OR6J1: variants seen among roughly 807,000 people sequenced by gnomAD.
OR6J1 encodes the protein olfactory receptor 6J1.
For synonymous variants in OR6J1, 109 were observed against 70.0 expected (o/e 1.56, Z -2.78); for missense variants, 304 against 166.8 (o/e 1.82, Z -4.53).
chr14:22,637,646 C>T (rs1285506008), intron 1 of OR6J1, among the ~76,000 whole-genome samples: 1 of 77,320 alleles, frequency 1.3e-5, no homozygotes, highest in East Asian at 3.4e-4. Flanking sequence ...GGGGGTCAGC[C>T]CCCCGCCCGG....
chr14:22,639,581 T>C (rs1594903269), intron 1 of OR6J1, among the ~76,000 whole-genome samples: 1 of 127,942 alleles, frequency 7.8e-6, no homozygotes, highest in East Asian at 2.0e-4. Context: ...AATCGGATGG[T>C]TGCCGTGTCT....
intron 1 of OR6J1, among the ~76,000 whole-genome samples, chr14:22,636,765 A>G (rs2037590037): frequency 8.5e-6 from 1 of 117,056 alleles, no homozygotes; most frequent in Admixed American, 7.7e-5. Context: ...GGCTCGCTAC[A>G]GCCTCCACCT....
At chr14:22,643,754 C>CAG (rs1594904768) in intron 1 of OR6J1, among the ~76,000 whole-genome samples, 81 of 93,130 alleles carry the variant, frequency 8.7e-4, no homozygotes, top group Middle Eastern at 4.5e-3. Flanking sequence ...CACACACACA[C>CAG]ACACACACAC....
At chr14:22,643,231 G>C (rs2037664518) in intron 1 of OR6J1, among the ~76,000 whole-genome samples, 1 of 151,568 alleles carries the variant, frequency 6.6e-6, no homozygotes, top group Non-Finnish European at 1.5e-5. Flanking sequence ...GCCTCCCAAA[G>C]TGCTGGGATT....
intron 1 of OR6J1, among the ~76,000 whole-genome samples, chr14:22,640,362 G>A (rs1252091355): frequency 1.4e-5 from 2 of 147,286 alleles, no homozygotes; most frequent in East Asian, 3.9e-4. Context: ...GAGGAAGGAA[G>A]GGGGAAAAAA....
chr14:22,634,233 G>A lies in OR6J1; in HGVS notation c.579C>T (p.Ala193=), dbSNP rs759084305. The A allele has an allele frequency of 2.1e-5, 15 of 703,310 alleles. No individual in the cohort carries two copies. The highest frequency in any genetic ancestry group is 3.6e-5 in the Non-Finnish European group (14 of 385,012). 43.6% of individuals were successfully genotyped at this position (703,310 alleles called of 1,614,324 possible). ...AAAGCATAAAATCCATCAGCTCGAT[G>A]GCAGTGGTGTCTGCACAGGCCAGGG... ...LLALACADTT[A]IELMDFMLSS... The change falls in exon 2 of 2, where the codon GCC becomes GCT. Residue 193 remains alanine (A), a synonymous_variant. Coordinates refer to ENST00000540461, the MANE Select transcript of OR6J1 (RefSeq NM_001348233.2).
rs1367247847 is a variant in OR6J1, at chr14:22,634,504, T to C, written c.308A>G (p.Tyr103Cys). 4 of 703,278 alleles carry C rather than the reference T, an allele frequency of 5.7e-6. No individual in the cohort carries two copies. The highest frequency in any genetic ancestry group is 2.7e-5 in the East Asian group (1 of 37,280). 43.6% of individuals were successfully genotyped at this position (703,278 alleles called of 1,614,324 possible). The change falls in exon 2 of 2, where the codon TAC becomes TGC. Residue 103 changes from tyrosine (Y) to cysteine (C), a missense_variant. By Grantham distance (194) the Tyr-to-Cys change is radical. Coordinates refer to ENST00000540461, the MANE Select transcript of OR6J1 (RefSeq NM_001348233.2). ...GAACTCAACTGTGCCCAAGAAAAAG[T>C]AGAAATAGCACTGGGTGATACATCC... ...FAGCITQCYF[Y>C]FFLGTVEFLL... is the part of the protein sequence containing the mutation.
At chr14:22,639,466 C>G (rs1263285768) in intron 1 of OR6J1, among the ~76,000 whole-genome samples, 5 of 133,390 alleles carry the variant, frequency 3.7e-5, no homozygotes, top group East Asian at 4.1e-4. Flanking sequence ...GCCCGGCCAC[C>G]ACCCCGTCTG....
intron 1 of OR6J1, among the ~76,000 whole-genome samples, chr14:22,635,528 A>G (rs148392639): frequency 2.5e-4 from 38 of 152,354 alleles, no homozygotes; most frequent in African/African-American, 8.2e-4. Context: ...GTAGCCAAGA[A>G]GACATTGCTG....
In OR6J1 at chr14:22,634,626, C is replaced by A; in HGVS notation, c.186G>T (p.Leu62Phe). The A allele has an allele frequency of 1.4e-6, 1 of 739,308 alleles. No individual in the cohort carries two copies. Among genetic ancestry groups the A allele is most frequent in the Non-Finnish European group, 2.5e-6 (1 of 400,794 alleles). 45.8% of individuals were successfully genotyped at this position (739,308 alleles called of 1,614,324 possible). ...GGATGTCCAGGATAGAGAGGTTGCACAAGAAGAAGTACATGGGGGTGTGGA... is the reference window on the plus strand; with the variant it reads ...GGATGTCCAGGATAGAGAGGTTGCAAAAGAAGAAGTACATGGGGGTGTGGA... ...SRLHTPMYFF[L>F]CNLSILDILF... is the part of the protein sequence containing the mutation. The change falls in exon 2 of 2, where the codon TTG becomes TTT. Residue 62 changes from leucine to phenylalanine, a missense_variant. Coordinates refer to ENST00000540461, the MANE Select transcript of OR6J1 (RefSeq NM_001348233.2).
intron 1 of OR6J1, among the ~76,000 whole-genome samples, chr14:22,635,047 C>T (rs2037574288): frequency 6.6e-6 from 1 of 152,138 alleles, no homozygotes; most frequent in South Asian, 2.1e-4. Flanking sequence ...TGTCCTGAGA[C>T]CTATGCTGTC....
At chr14:22,643,764 C>CAGAGAGAGAGAG (rs1233027589) in intron 1 of OR6J1, among the ~76,000 whole-genome samples, 529 of 37,686 alleles carry the variant, frequency 0.014, 31 homozygotes, top group South Asian at 0.066. Context: ...CACACACACA[C>CAGAGAGAGAGAG]AGAGAGAGAG....
intron 1 of OR6J1, among the ~76,000 whole-genome samples, chr14:22,635,826 A>T (rs1566394814): frequency 6.6e-6 from 1 of 152,212 alleles, no homozygotes; most frequent in African/African-American, 2.4e-5. Context: ...TGTAAAGATC[A>T]AAACTTTTAG....
At chr14:22,637,100 C>T (rs1458761733) in intron 1 of OR6J1, among the ~76,000 whole-genome samples, 2 of 118,808 alleles carry the variant, frequency 1.7e-5, no homozygotes, top group Non-Finnish European at 3.3e-5. Context: ...CTCTGCTGGC[C>T]GCAACCCTGT....
intron 1 of OR6J1, among the ~76,000 whole-genome samples, chr14:22,641,210 T>TAAAGAAAGAAAGAAAGAAAGAAAGAAAGA (rs1163938326): frequency 2.4e-5 from 3 of 122,588 alleles, no homozygotes; most frequent in East Asian, 4.6e-4. Flanking sequence ...GAGAGAAAGA[T>TAAAGAAAGAAAGAAAGAAAGAAAGAAAGA]AAGAAAGAAA....
At chr14:22,640,292 GGGAA>G (rs2139297293) in intron 1 of OR6J1, among the ~76,000 whole-genome samples, 1 of 64,634 alleles carries the variant, frequency 1.5e-5, no homozygotes, top group Non-Finnish European at 4.0e-5. Context: ...GAAGGAAAGG[GGGAA>G]GGGAGGGGAG....
Position 22,643,764 on chromosome 14 carries a change from C to CACACACACACAGAGAGAG in OR6J1, c.-28+333_-28+334insCTCTCTCTGTGTGTGTGT, listed in dbSNP as rs1466950724. Among the ~76,000 whole-genome samples the CACACACACACAGAGAGAG allele has an allele frequency of 7.7e-4, 29 of 37,694 alleles. 2 individuals carry two copies. The East Asian group carries it at 0.014, about 18-fold the overall frequency. 24.7% of individuals were successfully genotyped at this position (37,694 alleles called of 152,430 possible). A position where few individuals can be genotyped will look rare whatever the true frequency, so the allele number is the denominator to read the frequency against. On this transcript the variant is annotated intron_variant, in intron 1 of 1. Transcript: ENST00000540461. ...ACACACACACACACACACACACACA[C>CACACACACACAGAGAGAG]AGAGAGAGAGAGAGAGAGAGAGAGA...
intron 1 of OR6J1, among the ~76,000 whole-genome samples, chr14:22,637,066 C>A (rs1278508151): frequency 8.2e-6 from 1 of 122,306 alleles, no homozygotes; most frequent in Non-Finnish European, 1.6e-5. Flanking sequence ...TGCCCCGCCG[C>A]CCTGTCTGGG....
intron 1 of OR6J1, among the ~76,000 whole-genome samples, chr14:22,640,451 GAATA>G (rs1392218160): frequency 6.7e-6 from 1 of 148,422 alleles, no homozygotes; most frequent in Non-Finnish European, 1.5e-5. Flanking sequence ...ATAAAGAAAT[GAATA>G]AACTTCAGCT....
Sources: gnomAD v4.1 joint callset for allele counts (sites outside exome capture counted in the v4.1 genomes callset) on GRCh38, gnomAD v4.1.1 for gene constraint, MANE v1.5 for transcripts, NCBI Gene and HGNC (gene_info 2026-07-23, HGNC 2026-07-21) for gene names.